The following MYH1 variants were observed in gnomAD, a reference collection of about 807,000 sequenced individuals.
MYH1 encodes the protein myosin heavy chain 1, also known as myosin-1.
Under a neutral mutation model 225.6 loss-of-function variants are expected in MYH1, and 214 were observed. That is an observed-to-expected ratio of 0.95 (90% CI 0.85 to 1.06). The LOEUF is 1.06. MYH1 is among the 50% of genes least tolerant of loss of function. The probability of loss-of-function intolerance (pLI) is 0.00; values close to 1 mark genes in which losing one functional copy is unlikely to be tolerated. For synonymous variants in MYH1, 774 were observed against 842.3 expected, an observed-to-expected ratio of 0.92 and a Z score of 1.40; for missense variants, 2,098 against 2,344.2, an observed-to-expected ratio of 0.89 and a Z score of 2.17.
intron 39 of MYH1, 81 bp downstream of exon 39, chr17:10,494,273 A>C: frequency 2.3e-6 from 3 of 1,330,810 alleles, no homozygotes; most frequent in Non-Finnish European, 3.2e-6. Flanking sequence ...TCCTCATTTT[A>C]CTCATCTTTT....
At chr17:10,495,733 C>T (rs1053518584) in intron 35 of MYH1, among the ~76,000 whole-genome samples, 1 of 87,142 alleles carries the variant, frequency 1.1e-5, no homozygotes, top group Admixed American at 2.0e-4. Flanking sequence ...TGCACTCCAG[C>T]CTGAGCGACA....
chr17:10,508,000 T>A, intron 16 of MYH1, 44 bp from the exon 17 acceptor site: 1 of 1,500,178 alleles, frequency 6.7e-7, no homozygotes, highest in Non-Finnish European at 9.1e-7. Flanking sequence ...CTTTCTCTGG[T>A]TATGGTTTTT....
At chr17:10,514,212 G>C in intron 6 of MYH1, 88 bp from the exon 7 acceptor site, 1 of 1,457,552 alleles carries the variant, frequency 6.9e-7, no homozygotes, top group Non-Finnish European at 9.5e-7. Context: ...ATCTCTATTA[G>C]AGAGCCTTTT....
In MYH1 at chr17:10,509,587, G is replaced by A; in HGVS notation, c.1485C>T (p.His495=). 1 of 1,614,210 alleles carries A rather than the reference G, an allele frequency of 6.2e-7. No homozygotes were observed. Residue 495 remains histidine, a synonymous_variant, in exon 15 of 40, where the codon CAC becomes CAT. Transcript: ENST00000226207. Reference sequence around the variant, plus strand: ...ACTCCTCCTGCTCCAGCACGAACATGTGGTGGTTGAAAAACTGTTGCAGTT... The same window carrying A: ...ACTCCTCCTGCTCCAGCACGAACATATGGTGGTTGAAAAACTGTTGCAGTT... ...NEKLQQFFNH[H]MFVLEQEEYK...
rs1212695110 is a variant in MYH1, at chr17:10,497,827, C to G, written c.4272G>C (p.Arg1424Ser). The G allele has an allele frequency of 1.9e-6, 3 of 1,613,966 alleles. No individual in the cohort carries two copies. ...KCASLEKTKQRLQNEVEDLMI... is the reference protein window; with the variant it reads ...KCASLEKTKQSLQNEVEDLMI... ...TGAGGTCCTCAACTTCATTCTGGAG[C>G]CTCTGCTTCGTCTTCTCAAGGGAAG... is the stretch of plus-strand genomic sequence containing the variant. The change falls in exon 31 of 40, where the codon AGG (arginine) becomes AGC (serine). Residue 1424 changes from arginine (R) to serine (S), a missense_variant. By Grantham distance (110) the Arg-to-Ser change is moderately radical. Coordinates refer to ENST00000226207, the MANE Select transcript of MYH1 (RefSeq NM_005963.4).
intron 39 of MYH1, among the ~76,000 whole-genome samples, chr17:10,493,497 A>G (rs1340113917): frequency 1.3e-5 from 2 of 152,228 alleles, no homozygotes; most frequent in African/African-American, 4.8e-5. Context: ...ATCCAGATGA[A>G]TCATGGGATA....
At position 10,494,845 on chromosome 17, in the gene MYH1, C is replaced by T. The variant is rs553834485; in HGVS notation, c.5466+86G>A. 2.4e-4 allele frequency: 388 copies of T among 1,609,502 alleles called. 8 individuals carry two copies. The South Asian group carries it at 3.7e-3, about 15-fold the overall frequency. ...AATAGCTCTCCCTCATCTCAGTATGCCCCACATCATCTAGCAGTGCTAGGT... is the reference window on the plus strand; with the variant it reads ...AATAGCTCTCCCTCATCTCAGTATGTCCCACATCATCTAGCAGTGCTAGGT... On this transcript the variant is annotated intron_variant, in intron 37 of 39. Coordinates refer to ENST00000226207, the MANE Select transcript of MYH1 (RefSeq NM_005963.4).
intron 15 of MYH1, 141 bp downstream of exon 15, chr17:10,509,343 CT>C: frequency 7.4e-7 from 1 of 1,343,654 alleles, no homozygotes; most frequent in Non-Finnish European, 1.0e-6. Flanking sequence ...AGAATATCTA[CT>C]TCAGAGTTGG....
Position 10,515,908 on chromosome 17 carries a change from A to T in MYH1, c.505+18T>A. 2 of 1,614,002 alleles carry T rather than the reference A, an allele frequency of 1.2e-6. No individual in the cohort carries two copies. Among genetic ancestry groups the T allele is most frequent in the Non-Finnish European group, 1.7e-6 (2 of 1,179,968 alleles). ...GGATGGTAAAATAATTCATATGAAA[A>T]CCAGCTGAGCCACTCACCAGTCAGC... On this transcript the variant is annotated intron_variant, in intron 5 of 39. Transcript: ENST00000226207.
rs747064692 is a variant in MYH1 at position 10,513,621 on chromosome 17, C to T, written c.805+5G>A. 1.2e-6 allele frequency: 2 copies of T among 1,613,434 alleles called. No homozygotes were observed. The highest frequency in any genetic ancestry group is 3.3e-5 in the Admixed American group (2 of 60,022). On this transcript the variant is annotated splice_donor_5th_base_variant and intron_variant, in intron 9 of 39. Coordinates refer to ENST00000226207, the MANE Select transcript of MYH1 (RefSeq NM_005963.4). ...GGATTCTATTTAGGAGGTCCTGTTA[C>T]TCACATGTTTCAATATCAGCAGAAG... is the stretch of plus-strand genomic sequence containing the variant.
Position 10,499,058 on chromosome 17 carries a change from T to G in MYH1, c.3900A>C (p.Thr1300=), listed in dbSNP as rs763623401. The G allele has an allele frequency of 6.2e-6, 10 of 1,614,126 alleles. No individual in the cohort carries two copies. The South Asian group carries it at 9.9e-5, about 16-fold the overall frequency. ...EYSRQLDEKD[T]LVSQLSRGKQ... ...TGCCCCTCGAGAGCTGTGAAACTAG[T>G]GTGTCCTTTTCATCTAGCTGGCGTG... The change falls in exon 29 of 40, where the codon ACA becomes ACC. Residue 1300 remains threonine, a synonymous_variant. Transcript: ENST00000226207.
rs1349456975 is a variant in MYH1, at chr17:10,514,086, C to T, written c.572G>A (p.Arg191His). 4.3e-6 allele frequency: 7 copies of T among 1,614,020 alleles called. No homozygotes were observed. The highest frequency in any genetic ancestry group is 2.2e-5 in the East Asian group (1 of 44,888). ...SGAGKTVNTKRVIQYFATIAV... is the reference protein window; with the variant it reads ...SGAGKTVNTKHVIQYFATIAV... The stretch of plus-strand genomic sequence containing the variant: ...AATTGTTGCAAAGTACTGGATGACA[C>T]GCTTGGTGTTCACAGTCTTCCCTGC... Residue 191 changes from arginine to histidine, a missense_variant, in exon 7 of 40, where the codon CGT becomes CAT. Coordinates refer to ENST00000226207, the MANE Select transcript of MYH1 (RefSeq NM_005963.4).
intron 11 of MYH1, 36 bp from the exon 12 acceptor site, chr17:10,512,582 C>T: frequency 6.2e-7 from 1 of 1,613,742 alleles, no homozygotes; most frequent in African/African-American, 1.3e-5. Context: ...GATTAGGGCA[C>T]AAGAGAATTT....
chr17:10,508,018 G>GT (rs571060607), intron 16 of MYH1, 62 bp from the exon 17 acceptor site: 466,421 of 1,163,470 alleles, frequency 0.4, 72,101 homozygotes, highest in East Asian at 0.69. Context: ...TTTTTTTTTT[G>GT]TTTTTTTTTG....
In MYH1 at chr17:10,496,539, T is replaced by C. The variant is rs1158730641; in HGVS notation, c.4667A>G (p.Glu1556Gly). Residue 1556 changes from glutamate to glycine, a missense_variant, in exon 34 of 40, where the codon GAA becomes GGA. Transcript: ENST00000226207. ...GCGCAGGATCTTTCCCTCTTCATGT[T>C]CAAGAGATGCCTTAATGACAGCAAG... is the stretch of plus-strand genomic sequence containing the variant. Reference protein sequence around the residue: ...AALEEAEASLEHEEGKILRIQ... With the variant: ...AALEEAEASLGHEEGKILRIQ... 6.2e-7 allele frequency: 1 copy of C among 1,614,150 alleles called. No homozygotes were observed. Among genetic ancestry groups the C allele is most frequent in the Admixed American group, 1.7e-5 (1 of 60,026 alleles).
rs777081411 is a variant in MYH1 at position 10,512,539 on chromosome 17, A to C, written c.1016T>G (p.Ile339Ser). Residue 339 changes from isoleucine (I) to serine (S), a missense_variant, in exon 12 of 40, where the codon ATT becomes AGT. Ile to Ser is a moderately radical substitution (Grantham distance 142, BLOSUM62 -2). Transcript: ENST00000226207. ...ATCTGAAGTAAAGCCCAGAATTTCAATGGCACTCTACCATGAGAGATGAGA... is the reference window on the plus strand; with the variant it reads ...ATCTGAAGTAAAGCCCAGAATTTCACTGGCACTCTACCATGAGAGATGAGA... The part of the protein sequence containing the change: ...QEELMATDSA[I>S]EILGFTSDER... The C allele has an allele frequency of 6.8e-6, 11 of 1,614,132 alleles. No individual in the cohort carries two copies. The South Asian group carries it at 1.1e-4, about 16-fold the overall frequency.
intron 16 of MYH1, 51 bp from the exon 17 acceptor site, chr17:10,508,007 TTTTTTTTTTTG>T (rs746749326): frequency 2.8e-6 from 4 of 1,413,118 alleles, no homozygotes; most frequent in African/African-American, 3.2e-5. Flanking sequence ...TGGTTATGGT[TTTTTTTTTTTG>T]TTTTTTTTTG....
At chr17:10,493,502 G>A (rs368043703) in intron 39 of MYH1, among the ~76,000 whole-genome samples, 2 of 152,294 alleles carry the variant, frequency 1.3e-5, no homozygotes, top group African/African-American at 2.4e-5. Context: ...GATGAATCAT[G>A]GGATACGGAA....
Position 10,500,687 on chromosome 17 carries a change from C to T in MYH1, c.3804G>A (p.Glu1268=), listed in dbSNP as rs1408592482. 1 of 1,614,038 alleles carries T rather than the reference C, an allele frequency of 6.2e-7. No individual in the cohort carries two copies. Among genetic ancestry groups the T allele is most frequent in the Admixed American group, 1.7e-5 (1 of 60,002 alleles). ...GGTCATTGATCAGCCGCTGCTGCTC[C>T]TCTTCCTTGGTCTTAATTTCACTCA... is the stretch of plus-strand genomic sequence containing the variant. ...DQLSEIKTKE[E]EQQRLINDLT... is the part of the protein sequence containing the mutation. Residue 1268 remains glutamate, a synonymous_variant, in exon 28 of 40, where the codon GAG becomes GAA. Transcript: ENST00000226207.
Sources: gnomAD v4.1 joint callset for allele counts (sites outside exome capture counted in the v4.1 genomes callset) on GRCh38, gnomAD v4.1.1 for gene constraint, MANE v1.5 for transcripts, NCBI Gene and HGNC (gene_info 2026-07-23, HGNC 2026-07-21) for gene names.